The following UBR1 variants were observed in gnomAD, a reference collection of about 807,000 sequenced individuals.
UBR1 encodes the protein E3 ubiquitin-protein ligase UBR1.
Under a neutral mutation model 242.1 loss-of-function variants are expected in UBR1, and 102 were observed. The observed-to-expected ratio is 0.42, with a 90% CI of 0.36 to 0.50. UBR1 has a LOEUF of 0.50. UBR1 is among the 20% of genes least tolerant of loss of function. The pLI is 0.01. For synonymous variants in UBR1, 675 were observed against 684.8 expected, an observed-to-expected ratio of 0.99 and a Z score of 0.22; for missense variants, 1,772 against 2,101.8, an observed-to-expected ratio of 0.84 and a Z score of 3.07.
chr15:42,989,759 A>G (rs1179289591), intron 34 of UBR1, among the ~76,000 whole-genome samples: 2 of 152,108 alleles, frequency 1.3e-5, no homozygotes, highest in African/African-American at 2.4e-5. Context: ...CAGAATTGGC[A>G]TTTTTGGTCC....
chr15:43,002,735 A>C, intron 31 of UBR1, 31 bp from the exon 32 acceptor site: 1 of 1,614,012 alleles, frequency 6.2e-7, no homozygotes, highest in Non-Finnish European at 8.5e-7. Context: ...AGGCCCATTC[A>C]GAACTACACA....
chr15:43,019,718 G>A (rs1396763111), intron 27 of UBR1, among the ~76,000 whole-genome samples: 1 of 150,522 alleles, frequency 6.6e-6, no homozygotes, highest in Non-Finnish European at 1.5e-5. Context: ...GAGTAGCTGG[G>A]ATTACAGGCG....
intron 12 of UBR1, among the ~76,000 whole-genome samples, chr15:43,051,734 GA>G (rs1471594647): frequency 5.3e-5 from 8 of 152,206 alleles, no homozygotes; most frequent in Admixed American, 3.9e-4. Context: ...AAGTAAAGAA[GA>G]TGTAAGGGAT....
chr15:42,995,654 C>A (rs561974065), intron 33 of UBR1, among the ~76,000 whole-genome samples: 5 of 151,608 alleles, frequency 3.3e-5, no homozygotes, highest in Admixed American at 2.6e-4. Context: ...GGCGACAGAG[C>A]GAGACTCCAT....
chr15:43,002,749 A>G (rs2032745791), intron 31 of UBR1, 45 bp from the exon 32 acceptor site: 1 of 1,613,260 alleles, frequency 6.2e-7, no homozygotes, highest in Admixed American at 1.7e-5. Flanking sequence ...CTACACATGC[A>G]TCTCTACATG....
intron 3 of UBR1, among the ~76,000 whole-genome samples, chr15:43,077,280 G>C (rs1480093422): frequency 2.6e-5 from 4 of 151,914 alleles, no homozygotes. Flanking sequence ...AGTAGACATG[G>C]GAGACTTTTC....
At chr15:43,004,311 G>GA (rs1387822717) in intron 30 of UBR1, among the ~76,000 whole-genome samples, 1 of 152,018 alleles carries the variant, frequency 6.6e-6, no homozygotes, top group Non-Finnish European at 1.5e-5. Flanking sequence ...ACCTCATTAA[G>GA]AAAAGCACAG....
At chr15:43,050,397 A>C (rs959813219) in intron 12 of UBR1, among the ~76,000 whole-genome samples, 1 of 152,152 alleles carries the variant, frequency 6.6e-6, no homozygotes, top group East Asian at 1.9e-4. Context: ...AAAATAAATA[A>C]ATTTACAAAA....
chr15:43,010,839 A>AAAAAAAAAAC, intron 29 of UBR1, among the ~76,000 whole-genome samples: 1 of 151,076 alleles, frequency 6.6e-6, no homozygotes, highest in Non-Finnish European at 1.5e-5. Context: ...AAAAAAAAAA[A>AAAAAAAAAAC]AATAGCCAGG....
intron 3 of UBR1, among the ~76,000 whole-genome samples, chr15:43,076,363 C>T (rs1291535796): frequency 4.6e-5 from 7 of 152,300 alleles, no homozygotes; most frequent in Non-Finnish European, 8.8e-5. Flanking sequence ...GCCTTGGCCT[C>T]CCAAAGTGCC....
chr15:42,968,760 A>G (rs1203762783), intron 40 of UBR1, among the ~76,000 whole-genome samples: 1 of 152,104 alleles, frequency 6.6e-6, no homozygotes, highest in African/African-American at 2.4e-5. Context: ...TTGTGAGAAC[A>G]TGCGGCATTT....
At chr15:43,102,778 C>A (rs948481501) in intron 1 of UBR1, among the ~76,000 whole-genome samples, 2 of 152,170 alleles carry the variant, frequency 1.3e-5, no homozygotes, top group Non-Finnish European at 2.9e-5. Flanking sequence ...ATTTTCCACC[C>A]GTTTCAATCA....
At position 43,082,662 on chromosome 15, in the gene UBR1, A is replaced by G; in HGVS notation, c.393T>C (p.Ser131=). 1.2e-6 allele frequency: 2 copies of G among 1,613,862 alleles called. No homozygotes were observed. The highest frequency in any genetic ancestry group is 1.7e-6 in the Non-Finnish European group (2 of 1,179,842). The part of the protein sequence containing the change: ...CVLCMDCFQD[S]VHKNHRYKMH... ...CCTTGTAACGATGATTTTTATGAAC[A>G]CTGTCCTGGAAGCAGTCCATACAGA... The change falls in exon 3 of 47, where the codon AGT becomes AGC. Residue 131 remains serine, a synonymous_variant. Transcript: ENST00000290650.
intron 3 of UBR1, among the ~76,000 whole-genome samples, chr15:43,079,185 G>C (rs913122687): frequency 6.6e-6 from 1 of 152,074 alleles, no homozygotes; most frequent in African/African-American, 2.4e-5. Context: ...TAAAACCACA[G>C]ACCAGGCACA....
chr15:43,050,743 C>T (rs534410602), intron 12 of UBR1, among the ~76,000 whole-genome samples: 28 of 139,678 alleles, frequency 2.0e-4, no homozygotes, highest in African/African-American at 7.4e-4. Context: ...AAAAAAAAAG[C>T]GGGGCAGGGG....
At position 42,953,801 on chromosome 15, in the gene UBR1, T is replaced by C. The variant is rs1363288080; in HGVS notation, c.4836-1353A>G. On this transcript the variant is annotated intron_variant, in intron 44 of 46. Transcript: ENST00000290650. Reference sequence around the variant, plus strand: ...TTATGTGAAATCATAAGTGGTAATATCATCCAGAAGGATCCTCATTGTGAT... The same window carrying C: ...TTATGTGAAATCATAAGTGGTAATACCATCCAGAAGGATCCTCATTGTGAT... Among the ~76,000 whole-genome samples, 3 of 151,922 alleles carry C rather than the reference T, an allele frequency of 2.0e-5. No homozygotes were observed. The East Asian group carries it at 5.8e-4, about 29-fold the overall frequency.
At chr15:43,084,589 C>T (rs1222554548) in intron 2 of UBR1, among the ~76,000 whole-genome samples, 1 of 151,970 alleles carries the variant, frequency 6.6e-6, no homozygotes, top group Non-Finnish European at 1.5e-5. Context: ...CCGAGTAGCT[C>T]GGATCACAGG....
At chr15:43,035,204 A>G (rs1596111716) in intron 19 of UBR1, among the ~76,000 whole-genome samples, 1 of 152,208 alleles carries the variant, frequency 6.6e-6, no homozygotes, top group East Asian at 1.9e-4. Flanking sequence ...ACAATGATAC[A>G]ATTTTTGTTT....
intron 35 of UBR1, chr15:42,988,438 G>GT: frequency 3.9e-6 from 1 of 257,772 alleles, no homozygotes; most frequent in East Asian, 1.0e-4. Flanking sequence ...AGGATTACAG[G>GT]TGCATACCAC....
Sources: gnomAD v4.1 joint callset for allele counts (sites outside exome capture counted in the v4.1 genomes callset) on GRCh38, gnomAD v4.1.1 for gene constraint, MANE v1.5 for transcripts, NCBI Gene and HGNC (gene_info 2026-07-23, HGNC 2026-07-21) for gene names.